The following GDPD5 variants were observed in gnomAD, a reference collection of about 807,000 sequenced individuals.
The protein encoded by GDPD5 is glycerophosphodiester phosphodiesterase domain containing 5.
Under a neutral mutation model 75.1 loss-of-function variants are expected in GDPD5, and 48 were observed. The ratio of observed to expected loss-of-function variants is 0.64; its 90% CI spans 0.51 to 0.81. GDPD5 has a LOEUF of 0.81. GDPD5 is among the 40% of genes least tolerant of loss of function. The pLI is 0.00. For missense variants in GDPD5, 706 were observed against 822.6 expected, an observed-to-expected ratio of 0.86 and a Z score of 1.73; for synonymous variants, 336 against 339.0, an observed-to-expected ratio of 0.99 and a Z score of 0.10.
intron 1 of GDPD5, among the ~76,000 whole-genome samples, chr11:75,494,610 G>A (rs1463510449): frequency 6.6e-6 from 1 of 152,108 alleles, no homozygotes; most frequent in Non-Finnish European, 1.5e-5. Flanking sequence ...TTCTGTTGAT[G>A]GCAATAATCT....
intron 1 of GDPD5, among the ~76,000 whole-genome samples, chr11:75,501,687 G>A (rs1170029415): frequency 6.6e-6 from 1 of 152,182 alleles, no homozygotes; most frequent in Non-Finnish European, 1.5e-5. Context: ...GTGGGGAGGG[G>A]TGCTGGGAGA....
At chr11:75,465,954 AGGGGCCG>A (rs1186420720) in intron 3 of GDPD5, among the ~76,000 whole-genome samples, 1 of 152,252 alleles carries the variant, frequency 6.6e-6, no homozygotes, top group African/African-American at 2.4e-5. Context: ...GGAAGACCAC[AGGGGCCG>A]GGAGGGCCCA....
At chr11:75,466,260 C>T (rs1325282397) in intron 3 of GDPD5, among the ~76,000 whole-genome samples, 1 of 152,162 alleles carries the variant, frequency 6.6e-6, no homozygotes, top group Non-Finnish European at 1.5e-5. Flanking sequence ...CACAGTGAGC[C>T]TGTAGATGGG....
intron 4 of GDPD5, among the ~76,000 whole-genome samples, chr11:75,458,661 G>A (rs1949344322): frequency 2.3e-5 from 2 of 86,956 alleles, no homozygotes; most frequent in South Asian, 8.8e-4. Context: ...GACAGTGTGA[G>A]ACTCTGTCTC....
In GDPD5 at chr11:75,477,686, G is replaced by A. The variant is rs768126751; in HGVS notation, c.50C>T (p.Ser17Phe). The change falls in exon 3 of 17, where the codon TCC becomes TTC. Residue 17 changes from serine (S) to phenylalanine (F), a missense_variant. Transcript: ENST00000336898. ...LQYYEPQLCLSCLTGIYGCRW... is the reference protein window; with the variant it reads ...LQYYEPQLCLFCLTGIYGCRW... ...GCAGCCGTAGATGCCCGTGAGGCAG[G>A]AGAGGCACAGCTGTGGCTCGTAGTA... is the stretch of plus-strand genomic sequence containing the variant. 6.3e-7 allele frequency: 1 copy of A among 1,599,622 alleles called. No homozygotes were observed. The highest frequency in any genetic ancestry group is 8.6e-7 in the Non-Finnish European group (1 of 1,169,170).
At chr11:75,474,214 G>A (rs138775742) in intron 3 of GDPD5, among the ~76,000 whole-genome samples, 294 of 152,346 alleles carry the variant, frequency 1.9e-3, no homozygotes, top group Middle Eastern at 0.01. Context: ...TACTACAGAA[G>A]TGCAAGAATC....
intron 1 of GDPD5, among the ~76,000 whole-genome samples, chr11:75,504,926 G>A (rs1450537160): frequency 6.6e-6 from 1 of 152,136 alleles, no homozygotes; most frequent in South Asian, 2.1e-4. Flanking sequence ...AGGAGTTCGA[G>A]ACCAGCCCGA....
chr11:75,496,785 T>C (rs931987561), intron 1 of GDPD5, among the ~76,000 whole-genome samples: 4 of 143,498 alleles, frequency 2.8e-5, no homozygotes, highest in African/African-American at 7.7e-5. Flanking sequence ...CTTTCTTTTT[T>C]TTTTTTTTTT....
At chr11:75,500,216 A>C (rs1199407952) in intron 1 of GDPD5, among the ~76,000 whole-genome samples, 1 of 151,920 alleles carries the variant, frequency 6.6e-6, no homozygotes, top group East Asian at 1.9e-4. Context: ...GGCTCCTTCC[A>C]ATCAGCAGTG....
At chr11:75,438,626 G>A (rs1302292839) in intron 15 of GDPD5, 2 of 152,340 alleles carry the variant, frequency 1.3e-5, no homozygotes, top group Admixed American at 1.3e-4. Context: ...ACCCAGGAGG[G>A]GCTAAGGCAC....
chr11:75,493,051 G>A (rs182311988), intron 1 of GDPD5, among the ~76,000 whole-genome samples: 1 of 152,060 alleles, frequency 6.6e-6, no homozygotes, highest in East Asian at 1.9e-4. Flanking sequence ...TTAAATGAAT[G>A]AACAAATGCA....
At chr11:75,439,159 G>A (rs1372565352) in intron 15 of GDPD5, among the ~76,000 whole-genome samples, 1 of 152,224 alleles carries the variant, frequency 6.6e-6, no homozygotes, top group African/African-American at 2.4e-5. Flanking sequence ...ACACGGCAGT[G>A]GGACGGGAGG....
chr11:75,436,065 G>C (rs912790379), intron 16 of GDPD5, among the ~76,000 whole-genome samples: 5 of 152,234 alleles, frequency 3.3e-5, no homozygotes, highest in Middle Eastern at 3.4e-3. Flanking sequence ...GCCGAGTTAG[G>C]GCCTCCTCAT....
chr11:75,503,059 C>T (rs376278851), intron 1 of GDPD5, among the ~76,000 whole-genome samples: 73 of 152,290 alleles, frequency 4.8e-4, no homozygotes, highest in African/African-American at 1.7e-3. Context: ...CTCGCTTTAT[C>T]GCCCAGGCTG....
intron 15 of GDPD5, chr11:75,437,304 G>T: frequency 1.9e-6 from 1 of 514,258 alleles, no homozygotes; most frequent in South Asian, 2.6e-5. Flanking sequence ...CAGGACTAGG[G>T]TTGGTTAGTT....
chr11:75,518,475 T>C (rs973436138), intron 1 of GDPD5, among the ~76,000 whole-genome samples: 3 of 152,206 alleles, frequency 2.0e-5, no homozygotes, highest in African/African-American at 7.2e-5. Flanking sequence ...CATCAACTAC[T>C]GATGCCTGGG....
chr11:75,456,660 G>A (rs1949291361), intron 6 of GDPD5, 97 bp downstream of exon 6: 3 of 1,189,646 alleles, frequency 2.5e-6, no homozygotes, highest in South Asian at 1.2e-5. Flanking sequence ...TTCTAACGGT[G>A]ATCCAGGGGA....
At chr11:75,461,003 G>A (rs114890160) in intron 4 of GDPD5, among the ~76,000 whole-genome samples, 13 of 152,120 alleles carry the variant, frequency 8.5e-5, no homozygotes, top group East Asian at 3.9e-4. Context: ...CTGAAGTCCC[G>A]GTCCCAGATC....
At chr11:75,485,937 A>T (rs901117968) in intron 2 of GDPD5, among the ~76,000 whole-genome samples, 1 of 151,612 alleles carries the variant, frequency 6.6e-6, no homozygotes, top group African/African-American at 2.4e-5. Flanking sequence ...ATGGAGAGAC[A>T]CCCCCCTTCT....
Sources: gnomAD v4.1 joint callset for allele counts (sites outside exome capture counted in the v4.1 genomes callset) on GRCh38, gnomAD v4.1.1 for gene constraint, MANE v1.5 for transcripts, NCBI Gene and HGNC (gene_info 2026-07-23, HGNC 2026-07-21) for gene names.